Variants in CSMD3 observed in about 807,000 individuals in gnomAD.
CSMD3 encodes CUB and Sushi multiple domains 3.
A neutral mutation model predicts 435.2 loss-of-function variants in CSMD3; 177 were observed. The ratio of observed to expected loss-of-function variants is 0.41; its 90% CI spans 0.36 to 0.46. CSMD3 has a LOEUF of 0.46. Ranked by LOEUF, CSMD3 falls within the 20% of genes least tolerant of loss-of-function variation. The probability of loss-of-function intolerance (pLI) is 0.34; values close to 1 mark genes in which losing one functional copy is unlikely to be tolerated. For missense variants in CSMD3, 4,265 were observed against 4,504.6 expected (o/e 0.95, Z 1.52); for synonymous variants, 1,656 against 1,520.5 (o/e 1.09, Z -2.07).
At position 112,312,268 on chromosome 8, in the gene CSMD3, T is replaced by C. The variant is rs544307611; in HGVS notation, c.7697-1102A>G. On this transcript the variant is annotated intron_variant, in intron 49 of 70. Transcript: ENST00000297405. ...TCATATAGTTCAGTTTTTTGGTTTT[T>C]TTTGAGAAGAAGTTTCGCTCTTGTT... Among the ~76,000 whole-genome samples the C allele has an allele frequency of 3.3e-5, 5 of 152,300 alleles. No individual in the cohort carries two copies. The East Asian group carries it at 7.7e-4, about 24-fold the overall frequency.
intron 4 of CSMD3, among the ~76,000 whole-genome samples, chr8:113,168,144 T>C (rs557640101): frequency 6.6e-6 from 1 of 152,218 alleles, no homozygotes; most frequent in South Asian, 2.1e-4. Context: ...TTCAGAGAGT[T>C]ACAATAACAC....
At chr8:113,138,611 T>C (rs1371284392) in intron 4 of CSMD3, among the ~76,000 whole-genome samples, 2 of 151,380 alleles carry the variant, frequency 1.3e-5, no homozygotes, top group African/African-American at 4.8e-5. Context: ...TAATAGGCAT[T>C]GGATAAAAGA....
intron 1 of CSMD3, among the ~76,000 whole-genome samples, chr8:113,373,323 A>G (rs2094358685): frequency 6.6e-6 from 1 of 152,172 alleles, no homozygotes; most frequent in African/African-American, 2.4e-5. Flanking sequence ...TTATTTAAAA[A>G]TAAAATAATT....
At chr8:112,341,427 A>G (rs763900283) in intron 42 of CSMD3, 50 bp downstream of exon 42, 3 of 1,158,878 alleles carry the variant, frequency 2.6e-6, no homozygotes, top group Non-Finnish European at 3.9e-6. Context: ...AATATTTCTA[A>G]TAGCTGATTT....
chr8:113,376,925 T>C lies in CSMD3; in HGVS notation c.178+59752A>G. 3.2e-6 allele frequency: 5 copies of C among 1,553,656 alleles called. No individual in the cohort carries two copies. In the South Asian group the frequency reaches 4.4e-5, roughly 14 times the overall value. Reference sequence around the variant, plus strand: ...AAAACAGCCGTGGTTGTGGGGGCCATAACGGATGACGTGCGGGTTCAGGAG... The same window carrying C: ...AAAACAGCCGTGGTTGTGGGGGCCACAACGGATGACGTGCGGGTTCAGGAG... On this transcript the variant is annotated intron_variant, in intron 1 of 70. Coordinates refer to ENST00000297405, the MANE Select transcript of CSMD3 (RefSeq NM_198123.2).
intron 5 of CSMD3, among the ~76,000 whole-genome samples, chr8:113,046,759 G>A (rs999263670): frequency 6.6e-6 from 1 of 152,160 alleles, no homozygotes; most frequent in Non-Finnish European, 1.5e-5. Flanking sequence ...GAGGGGCGAG[G>A]GTCTGAGCGG....
At position 112,265,538 on chromosome 8, in the gene CSMD3, A is replaced by G. The variant is rs1222062601; in HGVS notation, c.9561T>C (p.Asp3187=). The change falls in exon 60 of 71, where the codon GAT becomes GAC. Residue 3187 remains aspartate, a synonymous_variant. Transcript: ENST00000297405. The part of the protein sequence containing the change: ...GIPANGLRYG[D]DYVVGQNVSY... Reference sequence around the variant, plus strand: ...AAACATTTTGTCCAACCACATAATCATCTCCATATCTCAGTCCATTGGCTG... The same window carrying G: ...AAACATTTTGTCCAACCACATAATCGTCTCCATATCTCAGTCCATTGGCTG... 1 of 1,613,578 alleles carries G rather than the reference A, an allele frequency of 6.2e-7. No homozygotes were observed. The highest frequency in any genetic ancestry group is 1.3e-5 in the African/African-American group (1 of 74,982).
Position 112,855,521 on chromosome 8 carries a change from TG to T in CSMD3, c.1755+3623del, listed in dbSNP as rs562045145. Among the ~76,000 whole-genome samples the T allele has an allele frequency of 4.2e-3, 637 of 152,198 alleles. 2 individuals carry two copies. The highest frequency in any genetic ancestry group is 0.013 in the African/African-American group (552 of 41,554). On this transcript the variant is annotated intron_variant, in intron 11 of 70. Coordinates refer to ENST00000297405, the MANE Select transcript of CSMD3 (RefSeq NM_198123.2). ...TCAGACTTTGTGTTTTAATTAAAAT[TG>T]GCCTATAATATCCTAAGTATCATGA...
chr8:112,599,959 T>C (rs886156488), intron 22 of CSMD3, among the ~76,000 whole-genome samples: 1 of 149,918 alleles, frequency 6.7e-6, no homozygotes, highest in African/African-American at 2.5e-5. Context: ...GCATGGCACA[T>C]GTATACACAT....
chr8:112,431,818 C>A (rs1813741657), intron 32 of CSMD3, among the ~76,000 whole-genome samples: 1 of 152,098 alleles, frequency 6.6e-6, no homozygotes, highest in Non-Finnish European at 1.5e-5. Flanking sequence ...ATATTCACCA[C>A]AAGCACAAAT....
chr8:113,393,316 G>A (rs1399187421), intron 1 of CSMD3, among the ~76,000 whole-genome samples: 1 of 152,028 alleles, frequency 6.6e-6, no homozygotes, highest in African/African-American at 2.4e-5. Context: ...CACTCAAGAA[G>A]CCATTGAGGC....
chr8:113,085,509 T>G (rs1166489247), intron 5 of CSMD3, among the ~76,000 whole-genome samples: 2 of 152,114 alleles, frequency 1.3e-5, no homozygotes, highest in African/African-American at 4.8e-5. Context: ...TCACAGTAAC[T>G]AAGATTTGGA....
At chr8:112,305,302 T>C (rs2130782534) in intron 51 of CSMD3, among the ~76,000 whole-genome samples, 1 of 152,258 alleles carries the variant, frequency 6.6e-6, no homozygotes, top group Middle Eastern at 3.4e-3. Flanking sequence ...CAAAACTTTT[T>C]CAAGGTAAGT....
chr8:113,014,003 T>G (rs2086358782), intron 6 of CSMD3, among the ~76,000 whole-genome samples: 1 of 152,078 alleles, frequency 6.6e-6, no homozygotes, highest in South Asian at 2.1e-4. Flanking sequence ...GATTGCAAGG[T>G]TGTTGATTTT....
chr8:112,995,969 G>A (rs2085636669), intron 6 of CSMD3, among the ~76,000 whole-genome samples: 2 of 151,358 alleles, frequency 1.3e-5, no homozygotes, highest in South Asian at 4.1e-4. Flanking sequence ...TGAGAAAGAA[G>A]ATTTTTGAAA....
intron 17 of CSMD3, among the ~76,000 whole-genome samples, chr8:112,663,128 A>C (rs1442099681): frequency 3.3e-5 from 5 of 152,280 alleles, no homozygotes. Flanking sequence ...CAGCCATCCC[A>C]TTACTGGGTA....
At chr8:113,379,956 A>C (rs925967138) in intron 1 of CSMD3, among the ~76,000 whole-genome samples, 7 of 152,188 alleles carry the variant, frequency 4.6e-5, no homozygotes, top group African/African-American at 1.7e-4. Flanking sequence ...TAGCAATGCA[A>C]ACTAATTCCT....
chr8:112,681,159 T>C (rs1319517374), intron 16 of CSMD3, among the ~76,000 whole-genome samples: 1 of 151,728 alleles, frequency 6.6e-6, no homozygotes, highest in African/African-American at 2.4e-5. Flanking sequence ...CTCAGCCTCC[T>C]GAGTAGCTGG....
intron 4 of CSMD3, among the ~76,000 whole-genome samples, chr8:113,104,124 T>C (rs1172682544): frequency 6.6e-6 from 1 of 152,148 alleles, no homozygotes; most frequent in Non-Finnish European, 1.5e-5. Flanking sequence ...TTGCTATTAG[T>C]TTCTGCTGAA....
Sources: allele counts gnomAD v4.1 joint callset (sites outside exome capture counted in the v4.1 genomes callset), GRCh38; gene constraint gnomAD v4.1.1; transcripts MANE v1.5; gene names NCBI Gene and HGNC (gene_info 2026-07-23, HGNC 2026-07-21).